SUMO2: variants seen among roughly 807,000 people sequenced by gnomAD.
The protein encoded by SUMO2 is small ubiquitin like modifier 2.
A neutral mutation model predicts 16.0 loss-of-function variants in SUMO2; 1 was observed. The ratio of observed to expected loss-of-function variants is 0.06; its 90% confidence interval spans 0.02 to 0.30. SUMO2 has a LOEUF of 0.30. Among genes scored for constraint, SUMO2 ranks in the 10% least tolerant of loss-of-function variants. SUMO2 has a pLI of 1.00. For missense variants in SUMO2, 16 were observed against 117.5 expected (o/e 0.14, Z 3.99); for synonymous variants, 36 against 40.6 (o/e 0.89, Z 0.43).
chr17:75,169,750 G>A (rs2074721181), intron 3 of SUMO2, among the ~76,000 whole-genome samples: 1 of 151,364 alleles, frequency 6.6e-6, no homozygotes, highest in African/African-American at 2.4e-5. Context: ...TCGGGAGGCT[G>A]AGGCAGGAGA....
intron 3 of SUMO2, 36 bp from the exon 4 acceptor site, chr17:75,168,437 A>G (rs374682956): frequency 3.1e-5 from 48 of 1,559,226 alleles, no homozygotes; most frequent in Admixed American, 4.0e-5. Context: ...AAAAGCACTG[A>G]TTAAGTTCTG....
chr17:75,174,142 C>T (rs1213471302), intron 3 of SUMO2, among the ~76,000 whole-genome samples: 5 of 152,222 alleles, frequency 3.3e-5, no homozygotes, highest in Non-Finnish European at 7.3e-5. Context: ...TCAATCCCAA[C>T]ACTTTGGGAG....
Position 75,168,476 on chromosome 17 carries a change from G to C in SUMO2, c.226-75C>G, listed in dbSNP as rs549378393. The C allele has an allele frequency of 2.4e-4, 311 of 1,303,946 alleles. 2 individuals carry two copies. The African/African-American group carries it at 4.3e-3, about 18-fold the overall frequency. The allele number at this position is 1,303,946 out of a possible 1,614,324, so 80.8% of individuals were successfully genotyped here. ...ATTAATGATTTTTGGGTTTAAGTATGCTGAAAACATGTACATGTTCCACTA... is the reference window on the plus strand; with the variant it reads ...ATTAATGATTTTTGGGTTTAAGTATCCTGAAAACATGTACATGTTCCACTA... On this transcript the variant is annotated intron_variant, in intron 3 of 3. Coordinates refer to ENST00000420826, the MANE Select transcript of SUMO2 (RefSeq NM_006937.4).
In SUMO2 at chr17:75,165,821, T is replaced by TA. The variant is rs1428661798; in HGVS notation, c.*2517_*2518insT. The stretch of plus-strand genomic sequence containing the variant: ...GGTGGATGAACTGAGGTCAGGAGTT[T>TA]GAGACCAGCCTGGCTAACATGGTGA... On this transcript the variant is annotated 3_prime_UTR_variant, in exon 4 of 4. Coordinates refer to ENST00000420826, the MANE Select transcript of SUMO2 (RefSeq NM_006937.4). 1 of 151,550 alleles carries TA rather than the reference T, an allele frequency of 6.6e-6. No individual in the cohort carries two copies. Among genetic ancestry groups the TA allele is most frequent in the Non-Finnish European group, 1.5e-5 (1 of 67,932 alleles). The allele number at this position is 151,550 out of a possible 1,614,324, so 9.4% of individuals were successfully genotyped here.
chr17:75,167,144 CCT>C lies in SUMO2; in HGVS notation c.*1193_*1194del, dbSNP rs2074699575. ...ACCAGCCTGGCATACGTGATAAAAC[CCT>C]GTCTCGACTAAAAATAGAAAAAAAA... On this transcript the variant is annotated 3_prime_UTR_variant, in exon 4 of 4. Transcript: ENST00000420826. The C allele has an allele frequency of 6.8e-6, 1 of 147,362 alleles. No individual in the cohort carries two copies. The highest frequency in any genetic ancestry group is 1.5e-5 in the Non-Finnish European group (1 of 67,148). 9.1% of individuals were successfully genotyped at this position (147,362 alleles called of 1,614,324 possible). A position where few individuals can be genotyped will look rare whatever the true frequency, so the allele number is the denominator to read the frequency against.
intron 3 of SUMO2, 60 bp from the exon 4 acceptor site, chr17:75,168,461 T>G (rs529296716): frequency 6.7e-7 from 1 of 1,497,708 alleles, no homozygotes; most frequent in African/African-American, 1.4e-5. Context: ...ATTAATGATT[T>G]TTGGGTTTAA....
At position 75,166,179 on chromosome 17, in the gene SUMO2, AAAT is replaced by A. The variant is rs1294214581; in HGVS notation, c.*2157_*2159del. The A allele has an allele frequency of 2.0e-5, 3 of 152,058 alleles. No homozygotes were observed. The highest frequency in any genetic ancestry group is 4.8e-5 in the African/African-American group (2 of 41,384). 9.4% of individuals were successfully genotyped at this position (152,058 alleles called of 1,614,324 possible). A position where few individuals can be genotyped will look rare whatever the true frequency, so the allele number is the denominator to read the frequency against. ...TGGTGAGACCCCACCTCTAATTTAA[AAAT>A]AATAAAAATTTGGCCGGGCACAGTG... On this transcript the variant is annotated 3_prime_UTR_variant, in exon 4 of 4. Coordinates refer to ENST00000420826, the MANE Select transcript of SUMO2 (RefSeq NM_006937.4).
Position 75,167,826 on chromosome 17 carries a change from C to A in SUMO2, c.*513G>T, listed in dbSNP as rs188056265. On this transcript the variant is annotated 3_prime_UTR_variant, in exon 4 of 4. Transcript: ENST00000420826. ...TTTGTTTTAGAGTAATTTATCCCTA[C>A]TTAAAGACAGATTGCCCTACATGTA... 2.2e-4 allele frequency: 35 copies of A among 162,476 alleles called. No homozygotes were observed. The highest frequency in any genetic ancestry group is 4.1e-4 in the Non-Finnish European group (28 of 68,100). The allele number at this position is 162,476 out of a possible 1,614,324, so 10.1% of individuals were successfully genotyped here. A position where few individuals can be genotyped will look rare whatever the true frequency, so the allele number is the denominator to read the frequency against.
intron 1 of SUMO2, 111 bp from the exon 2 acceptor site, chr17:75,181,299 A>G: frequency 8.8e-7 from 1 of 1,135,754 alleles, no homozygotes; most frequent in Non-Finnish European, 1.2e-6. Context: ...CTCATACTGT[A>G]TGCTAAAACG....
chr17:75,170,262 A>T (rs902021988), intron 3 of SUMO2, among the ~76,000 whole-genome samples: 1 of 152,136 alleles, frequency 6.6e-6, no homozygotes, highest in African/African-American at 2.4e-5. Context: ...CAAAGACTGA[A>T]AACAAATCTC....
intron 2 of SUMO2, among the ~76,000 whole-genome samples, chr17:75,180,202 T>C (rs979768038): frequency 4.0e-5 from 6 of 151,014 alleles, no homozygotes; most frequent in African/African-American, 1.5e-4. Flanking sequence ...AAATCCCAGG[T>C]ACTCAGGAGG....
At chr17:75,171,034 A>C (rs1253904079) in intron 3 of SUMO2, among the ~76,000 whole-genome samples, 5 of 151,800 alleles carry the variant, frequency 3.3e-5, no homozygotes, top group Non-Finnish European at 5.9e-5. Flanking sequence ...CGGTGCACTG[A>C]CTATATAAGT....
At chr17:75,175,167 G>C (rs2074772413) in intron 2 of SUMO2, among the ~76,000 whole-genome samples, 1 of 152,052 alleles carries the variant, frequency 6.6e-6, no homozygotes, top group Non-Finnish European at 1.5e-5. Context: ...AGTTTTAGTA[G>C]AGACTGGGTT....
intron 1 of SUMO2, among the ~76,000 whole-genome samples, chr17:75,181,785 T>G (rs1009806638): frequency 6.6e-6 from 1 of 152,134 alleles, no homozygotes; most frequent in Non-Finnish European, 1.5e-5. Flanking sequence ...TCTCCTCTAT[T>G]AGCAGCTTCA....
chr17:75,177,183 A>T lies in SUMO2; in HGVS notation c.154-2360T>A, dbSNP rs1371993327. Among the ~76,000 whole-genome samples the T allele has an allele frequency of 4.0e-5, 6 of 151,406 alleles. No individual in the cohort carries two copies. The East Asian group carries it at 5.8e-4, about 15-fold the overall frequency. ...GAGACTCTTGTCTCAAAAAAAAAAA[A>T]AAATTAATTAATTAAATAAATAAAA... On this transcript the variant is annotated intron_variant, in intron 2 of 3. Coordinates refer to ENST00000420826, the MANE Select transcript of SUMO2 (RefSeq NM_006937.4).
intron 3 of SUMO2, among the ~76,000 whole-genome samples, chr17:75,174,086 G>C (rs765505334): frequency 2.0e-5 from 3 of 152,144 alleles, no homozygotes; most frequent in African/African-American, 4.8e-5. Flanking sequence ...TCAGCATGTA[G>C]AACTAAAATG....
At chr17:75,179,926 T>C (rs535611028) in intron 2 of SUMO2, among the ~76,000 whole-genome samples, 1 of 152,186 alleles carries the variant, frequency 6.6e-6, no homozygotes, top group Non-Finnish European at 1.5e-5. Flanking sequence ...ATTACAGATA[T>C]GAGCCACTGC....
intron 3 of SUMO2, among the ~76,000 whole-genome samples, chr17:75,170,463 G>A (rs942318016): frequency 6.6e-6 from 1 of 151,868 alleles, no homozygotes; most frequent in Non-Finnish European, 1.5e-5. Flanking sequence ...CCAGCTACTC[G>A]GGAGGCTGAG....
chr17:75,173,359 T>C (rs1342746885), intron 3 of SUMO2, among the ~76,000 whole-genome samples: 1 of 151,990 alleles, frequency 6.6e-6, no homozygotes, highest in African/African-American at 2.4e-5. Flanking sequence ...CAGGTCTTGC[T>C]ATATTGCCCA....
Sources: gnomAD v4.1 joint callset for allele counts (sites outside exome capture counted in the v4.1 genomes callset) on GRCh38, gnomAD v4.1.1 for gene constraint, MANE v1.5 for transcripts, NCBI Gene and HGNC (gene_info 2026-07-23, HGNC 2026-07-21) for gene names.